PCM1: variants seen among roughly 807,000 people sequenced by gnomAD.
PCM1 encodes the protein pericentriolar material 1.
A neutral mutation model predicts 241.9 loss-of-function variants in PCM1; 157 were observed. That is an observed-to-expected ratio of 0.65 (90% CI 0.57 to 0.74). The LOEUF (loss-of-function observed/expected upper bound fraction) is 0.74. Among genes scored for constraint, PCM1 ranks in the 30% least tolerant of loss-of-function variants. PCM1 has a pLI of 0.00. For missense variants in PCM1, 3,478 were observed against 2,360.1 expected (o/e 1.47, Z -9.81); for synonymous variants, 1,085 against 784.9 (o/e 1.38, Z -6.39).
At chr8:18,013,899 T>TAATC (rs1051369727) in intron 34 of PCM1, 65 bp from the exon 35 acceptor site, 6 of 914,258 alleles carry the variant, frequency 6.6e-6, no homozygotes, top group Non-Finnish European at 1.0e-5. Flanking sequence ...TACACACTAG[T>TAATC]AATCATCTCT....
At chr8:18,009,305 G>T (rs1439340642) in intron 30 of PCM1, among the ~76,000 whole-genome samples, 2 of 152,152 alleles carry the variant, frequency 1.3e-5, no homozygotes, top group Non-Finnish European at 2.9e-5. Context: ...GTGCCCAGCA[G>T]TTACATCAAA....
chr8:17,923,784 G>A (rs183475448), intron 1 of PCM1, among the ~76,000 whole-genome samples: 1 of 152,228 alleles, frequency 6.6e-6, no homozygotes, highest in East Asian at 1.9e-4. Context: ...GGTTAATGGA[G>A]TAATTATTGC....
In PCM1 at chr8:17,985,624, C is replaced by G. The variant is rs566239758; in HGVS notation, c.4281+5C>G. 3.3e-5 allele frequency: 52 copies of G among 1,596,580 alleles called. No homozygotes were observed. In the South Asian group the frequency reaches 5.5e-4, roughly 17 times the overall value. On this transcript the variant is annotated splice_donor_5th_base_variant and intron_variant, in intron 25 of 38. Transcript: ENST00000325083. ...AGGGCTTTATATGCATTGCAGGTAT[C>G]TGGTACCTAACATAATTTTTCCTAC...
At chr8:17,951,311 GTC>G (rs1180756056) in intron 8 of PCM1, among the ~76,000 whole-genome samples, 2 of 152,190 alleles carry the variant, frequency 1.3e-5, no homozygotes, top group Non-Finnish European at 2.9e-5. Context: ...AAGATGCAGT[GTC>G]TCTTGTCTTC....
chr8:17,937,151 G>A lies in PCM1; in HGVS notation c.114G>A (p.Gln38=), dbSNP rs1210897850. 6.4e-7 allele frequency: 1 copy of A among 1,566,970 alleles called. No homozygotes were observed. Among genetic ancestry groups the A allele is most frequent in the Non-Finnish European group, 8.7e-7 (1 of 1,154,480 alleles). The change falls in exon 4 of 39, where the codon CAG becomes CAA. Residue 38 remains glutamine, a synonymous_variant. Coordinates refer to ENST00000325083, the MANE Select transcript of PCM1 (RefSeq NM_006197.4). The stretch of plus-strand genomic sequence containing the variant: ...TTTTAAAGGATTGGGGTGCCCAACA[G>A]AAGAAAGCAAATAGATCATCAGAAA... ...RLNNMDWGAQ[Q]KKANRSSEKN...
chr8:17,974,660 GA>G (rs934321698), intron 23 of PCM1, among the ~76,000 whole-genome samples: 9 of 152,124 alleles, frequency 5.9e-5, no homozygotes, highest in African/African-American at 2.2e-4. Context: ...TAATTTTTCT[GA>G]AACCCCTTTA....
At chr8:18,016,331 C>T (rs1000442861) in intron 36 of PCM1, among the ~76,000 whole-genome samples, 1 of 152,090 alleles carries the variant, frequency 6.6e-6, no homozygotes, top group Non-Finnish European at 1.5e-5. Context: ...ACTCTGGGAC[C>T]CCTCTTTCTA....
At chr8:17,930,746 G>T (rs1391577729) in intron 2 of PCM1, among the ~76,000 whole-genome samples, 4 of 151,960 alleles carry the variant, frequency 2.6e-5, no homozygotes, top group Non-Finnish European at 5.9e-5. Flanking sequence ...CAGGCGTGGT[G>T]GCGGGTGCCT....
chr8:18,020,504 C>T (rs139182031), intron 36 of PCM1, among the ~76,000 whole-genome samples: 67 of 152,310 alleles, frequency 4.4e-4, no homozygotes, highest in Non-Finnish European at 8.1e-4. Context: ...CACTTTGCTG[C>T]CTCTGTCTGA....
rs772512693 is a variant in PCM1, at chr8:17,969,567, TA to T, written c.3413-9del. On this transcript the variant is annotated splice_polypyrimidine_tract_variant and intron_variant, in intron 21 of 38. Coordinates refer to ENST00000325083, the MANE Select transcript of PCM1 (RefSeq NM_006197.4). ...TTATTTTTCTCTTACCCATTGCTTTTACTGATTAGGTATGAATTTCAGCCCT... is the reference window on the plus strand; with the variant it reads ...TTATTTTTCTCTTACCCATTGCTTTTCTGATTAGGTATGAATTTCAGCCCT... The T allele has an allele frequency of 1.8e-5, 28 of 1,562,938 alleles. No homozygotes were observed. Among genetic ancestry groups the T allele is most frequent in the Non-Finnish European group, 2.4e-5 (28 of 1,152,774 alleles).
intron 7 of PCM1, among the ~76,000 whole-genome samples, chr8:17,949,291 G>A (rs1419257897): frequency 6.6e-6 from 1 of 151,980 alleles, no homozygotes; most frequent in Non-Finnish European, 1.5e-5. Flanking sequence ...ATTATCTTGG[G>A]ATAATTATGT....
chr8:18,017,968 G>A (rs890738869), intron 36 of PCM1, among the ~76,000 whole-genome samples: 1 of 152,194 alleles, frequency 6.6e-6, no homozygotes, highest in Admixed American at 6.5e-5. Context: ...AACATGGGGA[G>A]GAAACTAAGA....
chr8:18,006,281 T>C lies in PCM1; in HGVS notation c.4846T>C (p.Cys1616Arg), dbSNP rs546538719. The C allele has an allele frequency of 6.2e-7, 1 of 1,610,486 alleles. No homozygotes were observed. Among genetic ancestry groups the C allele is most frequent in the East Asian group, 2.2e-5 (1 of 44,818 alleles). Residue 1616 changes from cysteine to arginine, a missense_variant, in exon 30 of 39, where the codon TGC (cysteine) becomes CGC (arginine). Coordinates refer to ENST00000325083, the MANE Select transcript of PCM1 (RefSeq NM_006197.4). Reference sequence around the variant, plus strand: ...TTCTCAGGAGCACATGGATGAAGTATGCTCCTCGCAGCTTCTAACTTCAGT... The same window carrying C: ...TTCTCAGGAGCACATGGATGAAGTACGCTCCTCGCAGCTTCTAACTTCAGT... Reference protein sequence around the residue: ...PFLKEHMDEVCSSQLLTSVRR... With the variant: ...PFLKEHMDEVRSSQLLTSVRR...
intron 29 of PCM1, among the ~76,000 whole-genome samples, chr8:18,004,334 A>G (rs1393566004): frequency 6.6e-6 from 1 of 152,196 alleles, no homozygotes; most frequent in Non-Finnish European, 1.5e-5. Context: ...ATGGTATTTT[A>G]GTTGGCTAAA....
At chr8:17,930,636 T>G (rs1406518879) in intron 2 of PCM1, among the ~76,000 whole-genome samples, 1 of 151,530 alleles carries the variant, frequency 6.6e-6, no homozygotes, top group Non-Finnish European at 1.5e-5. Flanking sequence ...CCCAGCACTT[T>G]GGGAGGCCGA....
At chr8:18,023,144 A>T (rs890988910) in intron 36 of PCM1, among the ~76,000 whole-genome samples, 2 of 152,274 alleles carry the variant, frequency 1.3e-5, no homozygotes, top group Middle Eastern at 3.4e-3. Context: ...TGGATTATTC[A>T]TCTTGTATGG....
At chr8:18,001,430 AC>A (rs2089383415) in intron 29 of PCM1, among the ~76,000 whole-genome samples, 1 of 152,306 alleles carries the variant, frequency 6.6e-6, no homozygotes, top group East Asian at 1.9e-4. Flanking sequence ...CTTCAGAGAA[AC>A]TAACCAGTTT....
At chr8:17,941,707 G>C (rs932392956) in intron 6 of PCM1, among the ~76,000 whole-genome samples, 1 of 152,108 alleles carries the variant, frequency 6.6e-6, no homozygotes, top group Non-Finnish European at 1.5e-5. Flanking sequence ...AGGGAATTCA[G>C]CTTCACAAGA....
intron 26 of PCM1, among the ~76,000 whole-genome samples, chr8:17,986,976 T>TA: frequency 6.6e-6 from 1 of 151,830 alleles, no homozygotes; most frequent in East Asian, 1.9e-4. Context: ...CCTTTTCAGA[T>TA]ACAGTAATTT....
Sources: allele counts gnomAD v4.1 joint callset (sites outside exome capture counted in the v4.1 genomes callset), GRCh38; gene constraint gnomAD v4.1.1; transcripts MANE v1.5; gene names NCBI Gene and HGNC (gene_info 2026-07-23, HGNC 2026-07-21).